The following PIN4 variants were observed in gnomAD, a reference collection of about 807,000 sequenced individuals.
PIN4 encodes the protein peptidyl-prolyl cis-trans isomerase NIMA-interacting 4.
A neutral mutation model predicts 8.3 loss-of-function variants in PIN4; 3 were observed. The observed-to-expected ratio is 0.36, with a 90% CI of 0.16 to 0.93. PIN4 has a LOEUF of 0.93. Among genes scored for constraint, PIN4 ranks in the 40% least tolerant of loss-of-function variants. PIN4 has a pLI of 0.44. For missense variants in PIN4, 75 were observed against 100.6 expected, an observed-to-expected ratio of 0.75 and a Z score of 1.09; for synonymous variants, 18 against 32.5, an observed-to-expected ratio of 0.55 and a Z score of 1.52.
At chrX:72,186,292 G>T in intron 1 of PIN4, 169 bp from the exon 2 acceptor site, 1 of 494,083 alleles carries the variant, frequency 2.0e-6, no homozygotes, top group East Asian at 4.0e-5. Context: ...TTCTTCCATT[G>T]TGGCCCAGGG....
downstream of PIN4, among the ~76,000 whole-genome samples, chrX:72,202,159 C>CTA (rs1160720253): frequency 8.9e-6 from 1 of 112,789 alleles, no homozygotes; most frequent in Non-Finnish European, 1.9e-5. Context: ...AAAGGAAATG[C>CTA]TATATTTCAG....
In PIN4 at chrX:72,238,731, G is replaced by A. The variant is rs1258654366; in HGVS notation, c.313-23976G>A. On this transcript the variant is annotated intron_variant, in intron 3 of 3. Coordinates refer to the PIN4 transcript ENST00000423432. Reference sequence around the variant, plus strand: ...TACTGCGAGAAGAGCGCGAGCGCGCGTCTCAAAAGGCTCCGCCTCAACAGT... The same window carrying A: ...TACTGCGAGAAGAGCGCGAGCGCGCATCTCAAAAGGCTCCGCCTCAACAGT... The A allele has an allele frequency of 4.5e-6, 3 of 668,970 alleles. No individual in the cohort carries two copies. The East Asian group carries it at 1.1e-4, about 24-fold the overall frequency. The allele number at this position is 668,970 out of a possible 1,213,427, so 55.1% of individuals were successfully genotyped here. A position where few individuals can be genotyped will look rare whatever the true frequency, so the allele number is the denominator to read the frequency against.
At chrX:72,220,541 C>G (rs1161500694) in intron 3 of PIN4, among the ~76,000 whole-genome samples, 1 of 111,378 alleles carries the variant, frequency 9.0e-6, no homozygotes, top group African/African-American at 3.3e-5. Context: ...ATTCCAAACT[C>G]CTCCCTGACC....
intron 3 of PIN4, among the ~76,000 whole-genome samples, chrX:72,251,362 C>CAAAA (rs35914181): frequency 1.5e-5 from 1 of 65,618 alleles, no homozygotes; most frequent in Non-Finnish European, 2.4e-5. Flanking sequence ...GACTCTGTCT[C>CAAAA]AAAAAAAAAA....
intron 3 of PIN4, among the ~76,000 whole-genome samples, chrX:72,257,876 C>T (rs112373849): frequency 0.05 from 5,573 of 111,667 alleles, 283 homozygotes; most frequent in African/African-American, 0.16. Context: ...CCCAGTTCCA[C>T]GGCTGGCACA....
chrX:72,197,285 A>AT lies in PIN4; in HGVS notation c.238-82dup. 4 of 903,730 alleles carry AT rather than the reference A, an allele frequency of 4.4e-6. No homozygotes were observed. In the South Asian group the frequency reaches 9.5e-5, roughly 21 times the overall value. The allele number at this position is 903,730 out of a possible 1,213,427, so 74.5% of individuals were successfully genotyped here. A position where few individuals can be genotyped will look rare whatever the true frequency, so the allele number is the denominator to read the frequency against. On this transcript the variant is annotated intron_variant, in intron 3 of 3. Coordinates refer to ENST00000373669, the MANE Select transcript of PIN4 (RefSeq NM_006223.4). ...GAATATACCTCGTAACCTTAGCAAA[A>AT]TGTTGGGAAATTCTCTCAAGCTACA...
chrX:72,223,803 G>A (rs913313029), intron 3 of PIN4, among the ~76,000 whole-genome samples: 1 of 111,724 alleles, frequency 9.0e-6, no homozygotes, highest in South Asian at 3.8e-4. Flanking sequence ...GGGAAACTCC[G>A]TCACCTCTCT....
intron 3 of PIN4, among the ~76,000 whole-genome samples, chrX:72,260,754 G>C (rs1192963136): frequency 1.8e-5 from 2 of 111,741 alleles, no homozygotes; most frequent in Non-Finnish European, 3.8e-5. Flanking sequence ...CCAGAATTCA[G>C]GCAGTCATTC....
intron 3 of PIN4, among the ~76,000 whole-genome samples, chrX:72,251,191 A>T (rs1255657433): frequency 2.0e-4 from 21 of 104,413 alleles, no homozygotes; most frequent in Non-Finnish European, 4.1e-4. Flanking sequence ...CCCCGTCTCT[A>T]CTAAAAATAC....
At chrX:72,251,777 G>T (rs1214120453) in intron 3 of PIN4, among the ~76,000 whole-genome samples, 2 of 110,176 alleles carry the variant, frequency 1.8e-5, no homozygotes, top group East Asian at 5.7e-4. Context: ...ACATGGCTGG[G>T]TGCAGGAAGC....
At chrX:72,184,038 C>T (rs969178072) in intron 1 of PIN4, among the ~76,000 whole-genome samples, 3 of 112,450 alleles carry the variant, frequency 2.7e-5, no homozygotes, top group African/African-American at 9.7e-5. Context: ...AATTTGTAGA[C>T]TACATAATCT....
At chrX:72,219,947 C>CG (rs998557955) in intron 3 of PIN4, among the ~76,000 whole-genome samples, 1 of 110,961 alleles carries the variant, frequency 9.0e-6, no homozygotes, top group African/African-American at 3.3e-5. Context: ...CTGATATGAG[C>CG]GGGAAAAGCC....
chrX:72,208,303 T>C (rs1602437589), intron 3 of PIN4: 1 of 1,210,273 alleles, frequency 8.3e-7, no homozygotes, highest in Admixed American at 2.2e-5. Context: ...GTTAATAAGA[T>C]TGGTTGGCAT....
intron 3 of PIN4, among the ~76,000 whole-genome samples, chrX:72,234,262 C>T (rs1010392529): frequency 2.7e-5 from 3 of 112,006 alleles, no homozygotes; most frequent in East Asian, 2.8e-4. Flanking sequence ...GAAGAAAATC[C>T]GGAGAGCAAG....
intron 2 of PIN4, among the ~76,000 whole-genome samples, chrX:72,190,188 A>G (rs941789703): frequency 1.8e-5 from 2 of 111,685 alleles, no homozygotes; most frequent in African/African-American, 6.5e-5. Context: ...TAAGGGCTTG[A>G]TCATTGGATT....
intron 3 of PIN4, among the ~76,000 whole-genome samples, chrX:72,243,794 C>G (rs1384201170): frequency 8.9e-6 from 1 of 112,073 alleles, no homozygotes; most frequent in Non-Finnish European, 1.9e-5. Flanking sequence ...AGGCCTTGTT[C>G]TAAGGACTTT....
chrX:72,246,747 C>A (rs2043068719), intron 3 of PIN4, among the ~76,000 whole-genome samples: 1 of 111,717 alleles, frequency 9.0e-6, no homozygotes, highest in African/African-American at 3.3e-5. Flanking sequence ...CTATTCACTC[C>A]TCTTGTCTCA....
rs1229643270 is a variant in PIN4 at position 72,204,902 on chromosome X, A to C, written c.312+7998A>C. 4.4e-6 allele frequency: 3 copies of C among 675,933 alleles called. No homozygotes were observed. The Admixed American group carries it at 1.3e-4, about 29-fold the overall frequency. 55.7% of individuals were successfully genotyped at this position (675,933 alleles called of 1,213,427 possible). On this transcript the variant is annotated intron_variant, in intron 3 of 3. Coordinates refer to the PIN4 transcript ENST00000423432. ...TGCAGGGCAGAAGTTGCTTTTTGAG[A>C]TCTTTCTTGCCTTAAGCCTGAATGC...
intron 3 of PIN4, among the ~76,000 whole-genome samples, chrX:72,223,839 T>A (rs1217196098): frequency 9.0e-6 from 1 of 111,593 alleles, no homozygotes; most frequent in Non-Finnish European, 1.9e-5. Flanking sequence ...AAGTGCCACA[T>A]CAGGGTTCCA....
Sources: allele counts gnomAD v4.1 joint callset (sites outside exome capture counted in the v4.1 genomes callset), GRCh38; gene constraint gnomAD v4.1.1; transcripts MANE v1.5; gene names NCBI Gene and HGNC (gene_info 2026-07-23, HGNC 2026-07-21).